The following GUCY1A2 variants were observed in gnomAD, a reference collection of about 807,000 sequenced individuals.
The protein encoded by GUCY1A2 is guanylate cyclase soluble subunit alpha-2.
In GUCY1A2, 27 loss-of-function variants were observed where a neutral mutation model predicts 63.5. The ratio of observed to expected loss-of-function variants is 0.43; its 90% CI spans 0.31 to 0.59. The LOEUF is 0.59. Among genes scored for constraint, GUCY1A2 ranks in the 20% least tolerant of loss-of-function variants. GUCY1A2 has a pLI of 0.11. For synonymous variants in GUCY1A2, 364 were observed against 343.5 expected, an observed-to-expected ratio of 1.06 and a Z score of -0.66; for missense variants, 768 against 913.3, an observed-to-expected ratio of 0.84 and a Z score of 2.05.
chr11:106,984,359 A>G (rs1467226255), intron 2 of GUCY1A2, among the ~76,000 whole-genome samples: 1 of 152,244 alleles, frequency 6.6e-6, no homozygotes, highest in Non-Finnish European at 1.5e-5. Context: ...CATGCAATAG[A>G]CAAAGAAGCA....
chr11:106,758,027 C>T (rs1864003790), intron 6 of GUCY1A2, among the ~76,000 whole-genome samples: 1 of 152,214 alleles, frequency 6.6e-6, no homozygotes, highest in Admixed American at 6.5e-5. Flanking sequence ...GGACTGCTGC[C>T]TTTTGTTCAG....
chr11:106,767,089 T>C (rs960822498), intron 6 of GUCY1A2, among the ~76,000 whole-genome samples: 3 of 152,124 alleles, frequency 2.0e-5, no homozygotes, highest in South Asian at 2.1e-4. Context: ...GCCTCTTCTA[T>C]GGACATTGTA....
chr11:106,956,471 G>C (rs959338159), intron 3 of GUCY1A2, among the ~76,000 whole-genome samples: 1 of 151,836 alleles, frequency 6.6e-6, no homozygotes, highest in Non-Finnish European at 1.5e-5. Flanking sequence ...AGGCCTTTTT[G>C]TTGTTGTTGT....
intron 6 of GUCY1A2, among the ~76,000 whole-genome samples, chr11:106,760,760 A>G (rs1451394715): frequency 1.3e-5 from 2 of 152,212 alleles, no homozygotes; most frequent in Non-Finnish European, 2.9e-5. Flanking sequence ...CAAGCTAACA[A>G]ATAACTGGCC....
chr11:106,957,290 C>G (rs1055244582), intron 3 of GUCY1A2, among the ~76,000 whole-genome samples: 1 of 151,942 alleles, frequency 6.6e-6, no homozygotes, highest in African/African-American at 2.4e-5. Flanking sequence ...GCAGCCACAG[C>G]TGGTGCTGGT....
intron 4 of GUCY1A2, among the ~76,000 whole-genome samples, chr11:106,903,514 G>A (rs1860162523): frequency 6.6e-6 from 1 of 152,126 alleles, no homozygotes; most frequent in South Asian, 2.1e-4. Flanking sequence ...CCACTTTAAG[G>A]CATCATAGTC....
At chr11:106,939,307 A>T (rs1313188192) in intron 4 of GUCY1A2, among the ~76,000 whole-genome samples, 153 bp downstream of exon 4, 1 of 152,196 alleles carries the variant, frequency 6.6e-6, no homozygotes, top group African/African-American at 2.4e-5. Context: ...ATGAGGCCAA[A>T]TCTTTTTACA....
intron 1 of GUCY1A2, among the ~76,000 whole-genome samples, chr11:106,993,615 T>A (rs758644070): frequency 2.0e-5 from 3 of 152,072 alleles, no homozygotes; most frequent in Non-Finnish European, 4.4e-5. Flanking sequence ...GCTACTGACC[T>A]TTTTTTAAAA....
intron 4 of GUCY1A2, among the ~76,000 whole-genome samples, chr11:106,835,501 T>A (rs566816587): frequency 6.6e-6 from 1 of 151,120 alleles, no homozygotes; most frequent in African/African-American, 2.4e-5. Context: ...ATAAAGAGAA[T>A]GGGGAAAGGT....
intron 4 of GUCY1A2, among the ~76,000 whole-genome samples, chr11:106,826,068 C>A (rs1362584318): frequency 6.6e-6 from 1 of 152,148 alleles, no homozygotes; most frequent in East Asian, 1.9e-4. Flanking sequence ...TACTAGAGTA[C>A]ATTTGGCTAA....
intron 1 of GUCY1A2, among the ~76,000 whole-genome samples, chr11:107,014,949 T>C (rs531928189): frequency 6.6e-6 from 1 of 152,302 alleles, no homozygotes; most frequent in African/African-American, 2.4e-5. Flanking sequence ...AGAGAGGACA[T>C]AATCCATCTC....
intron 4 of GUCY1A2, among the ~76,000 whole-genome samples, chr11:106,872,085 A>G (rs1859686951): frequency 6.6e-6 from 1 of 152,198 alleles, no homozygotes; most frequent in South Asian, 2.1e-4. Context: ...TAAGCGGTTG[A>G]TAACACAGAG....
At chr11:107,008,960 T>C (rs1228896492) in intron 1 of GUCY1A2, among the ~76,000 whole-genome samples, 1 of 152,208 alleles carries the variant, frequency 6.6e-6, no homozygotes, top group East Asian at 1.9e-4. Context: ...ACAAATATTA[T>C]ACAGTGAAAG....
Position 106,828,303 on chromosome 11 carries a change from T to G in GUCY1A2, c.1207-17825A>C, listed in dbSNP as rs575318212. Among the ~76,000 whole-genome samples, 889 of 151,970 alleles carry G rather than the reference T, an allele frequency of 5.8e-3. 13 individuals carry two copies. Among genetic ancestry groups the G allele is most frequent in the African/African-American group, 0.02 (813 of 41,460 alleles). ...TGTTCAGAAAAGCTTTTCCTAGATT[T>G]TTTTTTTAAGGATTTTTATAGTTGC... On this transcript the variant is annotated intron_variant, in intron 4 of 7. Transcript: ENST00000526355.
At chr11:106,752,535 T>C (rs10890577) in intron 6 of GUCY1A2, among the ~76,000 whole-genome samples, 77,018 of 151,180 alleles carry the variant, frequency 0.51, 21,236 homozygotes, top group African/African-American at 0.73. Context: ...CAGCAGGCCC[T>C]GGTGTGTGAT....
intron 3 of GUCY1A2, among the ~76,000 whole-genome samples, chr11:106,957,390 T>A (rs996962345): frequency 6.6e-6 from 1 of 152,168 alleles, no homozygotes; most frequent in Non-Finnish European, 1.5e-5. Context: ...TGTAAGAATC[T>A]GCATGTTCCA....
At chr11:107,001,467 T>A (rs1425596948) in intron 1 of GUCY1A2, among the ~76,000 whole-genome samples, 2 of 152,154 alleles carry the variant, frequency 1.3e-5, no homozygotes. Flanking sequence ...TCCACAGATT[T>A]AGGGTTCTGG....
At chr11:106,976,149 G>C (rs372121540) in intron 3 of GUCY1A2, among the ~76,000 whole-genome samples, 1 of 152,108 alleles carries the variant, frequency 6.6e-6, no homozygotes, top group African/African-American at 2.4e-5. Flanking sequence ...AAGAAGGTAA[G>C]AGAAATATAT....
At chr11:106,965,831 C>A in intron 3 of GUCY1A2, among the ~76,000 whole-genome samples, 1 of 151,840 alleles carries the variant, frequency 6.6e-6, no homozygotes, top group African/African-American at 2.4e-5. Flanking sequence ...TTTCATTCAT[C>A]TTAAATAAAT....
Sources: gnomAD v4.1 joint callset for allele counts (sites outside exome capture counted in the v4.1 genomes callset) on GRCh38, gnomAD v4.1.1 for gene constraint, MANE v1.5 for transcripts, NCBI Gene and HGNC (gene_info 2026-07-23, HGNC 2026-07-21) for gene names.